PAPPA: variants seen among roughly 807,000 people sequenced by gnomAD.
PAPPA encodes the protein pappalysin 1.
PAPPA carries 60 observed loss-of-function variants against 164.0 expected under a neutral mutation model. The observed-to-expected ratio is 0.37, with a 90% CI of 0.30 to 0.45. PAPPA has a LOEUF of 0.45. PAPPA is among the 20% of genes least tolerant of loss of function. The pLI is 1.00. For synonymous variants in PAPPA, 875 were observed against 814.1 expected, an observed-to-expected ratio of 1.07 and a Z score of -1.27; for missense variants, 1,782 against 2,087.3, an observed-to-expected ratio of 0.85 and a Z score of 2.85.
At chr9:116,292,526 G>A (rs1350591530) in intron 9 of PAPPA, among the ~76,000 whole-genome samples, 1 of 152,160 alleles carries the variant, frequency 6.6e-6, no homozygotes, top group Non-Finnish European at 1.5e-5. Context: ...GACTGGGAAG[G>A]TTTTGGTTTG....
intron 7 of PAPPA, among the ~76,000 whole-genome samples, chr9:116,258,005 G>T (rs1844952304): frequency 6.6e-6 from 1 of 151,806 alleles, no homozygotes; most frequent in Admixed American, 6.6e-5. Context: ...CTTAGAGTAA[G>T]GCATATATTG....
chr9:116,296,468 G>A lies in PAPPA; in HGVS notation c.2954-6289G>A, dbSNP rs118077048. Among the ~76,000 whole-genome samples, 580 of 152,228 alleles carry A rather than the reference G, an allele frequency of 3.8e-3. 18 individuals carry two copies. The highest frequency in any genetic ancestry group is 2.7e-3 in the East Asian group (14 of 5,176). ...ACTGTTATGGGTTGGAAATACTACC[G>A]TGAAGGACTCCACAATTCTGTTCGC... is the stretch of plus-strand genomic sequence containing the variant. On this transcript the variant is annotated intron_variant, in intron 9 of 21. Transcript: ENST00000328252.
At chr9:116,309,705 T>C (rs2118904644) in intron 10 of PAPPA, among the ~76,000 whole-genome samples, 1 of 151,716 alleles carries the variant, frequency 6.6e-6, no homozygotes, top group Non-Finnish European at 1.5e-5. Context: ...AGGTAAATAA[T>C]AGATGAAGGG....
intron 10 of PAPPA, among the ~76,000 whole-genome samples, chr9:116,322,388 G>A (rs1318781361): frequency 7.5e-6 from 1 of 132,928 alleles, no homozygotes; most frequent in Non-Finnish European, 1.6e-5. Flanking sequence ...CCAGCCTGGG[G>A]TACAATAGGA....
chr9:116,391,172 C>G (rs534058824), intron 21 of PAPPA, among the ~76,000 whole-genome samples: 1 of 152,344 alleles, frequency 6.6e-6, no homozygotes, highest in South Asian at 2.1e-4. Context: ...CACATGACCA[C>G]TTTATCTTCA....
chr9:116,169,767 T>G (rs1424170857), intron 1 of PAPPA, among the ~76,000 whole-genome samples: 1 of 151,116 alleles, frequency 6.6e-6, no homozygotes, highest in Non-Finnish European at 1.5e-5. Flanking sequence ...TGCCAGGAAG[T>G]TATCAGAGAG....
chr9:116,313,022 G>C (rs1845740964), intron 10 of PAPPA, among the ~76,000 whole-genome samples: 1 of 149,662 alleles, frequency 6.7e-6, no homozygotes, highest in Admixed American at 6.7e-5. Context: ...GGCAGAGCTT[G>C]CAGTGAGCGG....
intron 7 of PAPPA, among the ~76,000 whole-genome samples, chr9:116,263,629 A>T (rs1845029579): frequency 6.6e-6 from 1 of 152,200 alleles, no homozygotes; most frequent in Admixed American, 6.5e-5. Context: ...CTTCATCTGC[A>T]GATAAATGCT....
chr9:116,234,036 C>G (rs1844629888), intron 6 of PAPPA, among the ~76,000 whole-genome samples: 2 of 152,110 alleles, frequency 1.3e-5, no homozygotes, highest in Admixed American at 6.5e-5. Flanking sequence ...GACTCTGTCT[C>G]TTAATTTTTT....
chr9:116,246,569 G>C (rs1237011241), intron 7 of PAPPA, among the ~76,000 whole-genome samples: 3 of 152,150 alleles, frequency 2.0e-5, no homozygotes, highest in South Asian at 4.1e-4. Flanking sequence ...CTTCAACCTT[G>C]TGCCTCTTAT....
intron 7 of PAPPA, among the ~76,000 whole-genome samples, chr9:116,260,825 T>A (rs1844993017): frequency 6.6e-6 from 1 of 152,318 alleles, no homozygotes; most frequent in South Asian, 2.1e-4. Flanking sequence ...AGGGAAATAC[T>A]ATGAAATTAA....
intron 9 of PAPPA, among the ~76,000 whole-genome samples, chr9:116,280,105 C>T (rs566303640): frequency 5.5e-4 from 83 of 152,226 alleles, no homozygotes; most frequent in Middle Eastern, 3.4e-3. Flanking sequence ...GCAGTCGGAC[C>T]CAGGCAGAAG....
At chr9:116,209,848 T>A (rs753074481) in intron 3 of PAPPA, among the ~76,000 whole-genome samples, 17 of 152,120 alleles carry the variant, frequency 1.1e-4, no homozygotes, top group Non-Finnish European at 2.2e-4. Flanking sequence ...AGATGCAAAG[T>A]CCATTTTCCA....
chr9:116,168,531 A>T (rs1219565022), intron 1 of PAPPA, among the ~76,000 whole-genome samples: 1 of 152,218 alleles, frequency 6.6e-6, no homozygotes, highest in Non-Finnish European at 1.5e-5. Context: ...GAAATTTCAA[A>T]GGCATAAGTG....
intron 7 of PAPPA, among the ~76,000 whole-genome samples, chr9:116,264,040 C>T (rs1049555904): frequency 6.6e-6 from 1 of 151,962 alleles, no homozygotes; most frequent in East Asian, 1.9e-4. Flanking sequence ...ACAATGTGGC[C>T]GTTTAAAAAA....
At chr9:116,361,782 C>T (rs1846430042) in intron 17 of PAPPA, among the ~76,000 whole-genome samples, 1 of 152,222 alleles carries the variant, frequency 6.6e-6, no homozygotes. Context: ...GCTCTCTTCA[C>T]TTCTGCACCC....
intron 1 of PAPPA, among the ~76,000 whole-genome samples, chr9:116,156,502 G>T (rs1285342117): frequency 6.6e-6 from 1 of 151,724 alleles, no homozygotes; most frequent in Non-Finnish European, 1.5e-5. Flanking sequence ...TAATTGGATG[G>T]GGGGCGTTAG....
chr9:116,187,573 A>G lies in PAPPA; in HGVS notation c.835A>G (p.Thr279Ala), dbSNP rs1843988526. The change falls in exon 2 of 22, where the codon ACT (threonine) becomes GCT (alanine). Residue 279 changes from threonine to alanine, a missense_variant. This residue lies in a region of PAPPA where 458 missense variants were observed against 430.3 expected (regional missense o/e 1.06). Transcript: ENST00000328252. The surrounding 1 kb of genome is among the most constrained non-coding windows in gnomAD (Gnocchi z 4.2). ...LSDMETHGAH[T>A]ALPQLLLQEN... ...TGACATGGAAACCCATGGCGCCCAC[A>G]CTGCTCTACCTCAGCTCCTCCTCCA... is the stretch of plus-strand genomic sequence containing the variant. The G allele has an allele frequency of 6.2e-7, 1 of 1,614,172 alleles. No individual in the cohort carries two copies. The highest frequency in any genetic ancestry group is 8.5e-7 in the Non-Finnish European group (1 of 1,180,032).
At chr9:116,190,642 C>G (rs1214210973) in intron 2 of PAPPA, among the ~76,000 whole-genome samples, 2 of 152,222 alleles carry the variant, frequency 1.3e-5, no homozygotes, top group Admixed American at 6.5e-5. Context: ...ATCATTGAGA[C>G]AGGATGAAGA....
Sources: allele counts gnomAD v4.1 joint callset (sites outside exome capture counted in the v4.1 genomes callset), GRCh38; gene constraint gnomAD v4.1.1; regional missense constraint gnomAD v4.1.1; non-coding constraint Gnocchi (gnomAD v3.1); transcripts MANE v1.5; gene names NCBI Gene and HGNC (gene_info 2026-07-23, HGNC 2026-07-21).